The following SYNDIG1 variants were observed in gnomAD, a reference collection of about 807,000 sequenced individuals.
The protein encoded by SYNDIG1 is synapse differentiation-inducing gene protein 1.
SYNDIG1 carries 9 observed loss-of-function variants against 19.4 expected under a neutral mutation model. The observed-to-expected ratio is 0.46, with a 90% CI of 0.28 to 0.81. The LOEUF is 0.81. Among genes scored for constraint, SYNDIG1 ranks in the 30% least tolerant of loss-of-function variants. SYNDIG1 has a pLI of 0.12. For missense variants in SYNDIG1, 311 were observed against 343.3 expected (o/e 0.91, Z 0.74); for synonymous variants, 141 against 145.9 (o/e 0.97, Z 0.24).
At chr20:24,567,614 T>C (rs1211663344) in intron 2 of SYNDIG1, among the ~76,000 whole-genome samples, 1 of 152,180 alleles carries the variant, frequency 6.6e-6, no homozygotes, top group East Asian at 1.9e-4. Flanking sequence ...GAGACATCCC[T>C]GCAAGTCTTA....
intron 1 of SYNDIG1, among the ~76,000 whole-genome samples, chr20:24,508,322 G>A (rs1300508899): frequency 4.8e-5 from 6 of 124,424 alleles, no homozygotes; most frequent in East Asian, 2.8e-4. Flanking sequence ...TCCACCTCCC[G>A]GGTTCAAGTA....
chr20:24,513,399 A>G (rs969163110), intron 1 of SYNDIG1, among the ~76,000 whole-genome samples: 1 of 152,226 alleles, frequency 6.6e-6, no homozygotes, highest in Non-Finnish European at 1.5e-5. Flanking sequence ...TGAATGGCTA[A>G]CTAGAATAAC....
chr20:24,646,354 G>A (rs1294623099), intron 3 of SYNDIG1, among the ~76,000 whole-genome samples: 1 of 152,196 alleles, frequency 6.6e-6, no homozygotes, highest in East Asian at 1.9e-4. Context: ...TTGATCTCCA[G>A]TGTGGCAATA....
intron 1 of SYNDIG1, among the ~76,000 whole-genome samples, chr20:24,521,155 T>G (rs984070961): frequency 2.6e-4 from 39 of 152,304 alleles, no homozygotes; most frequent in Non-Finnish European, 3.8e-4. Flanking sequence ...TTTGCTTCAT[T>G]TTGAAGGCTG....
intron 1 of SYNDIG1, among the ~76,000 whole-genome samples, chr20:24,487,734 A>G (rs368685521): frequency 6.6e-6 from 1 of 152,182 alleles, no homozygotes; most frequent in Non-Finnish European, 1.5e-5. Context: ...CAGGGGCTGC[A>G]ACACTTCCTC....
intron 1 of SYNDIG1, among the ~76,000 whole-genome samples, chr20:24,493,256 T>C (rs2056204807): frequency 6.6e-6 from 1 of 152,232 alleles, no homozygotes; most frequent in Non-Finnish European, 1.5e-5. Context: ...GTTGTGGGTT[T>C]CCTTTATTGG....
At chr20:24,562,373 T>A (rs556364948) in intron 2 of SYNDIG1, among the ~76,000 whole-genome samples, 18 of 152,364 alleles carry the variant, frequency 1.2e-4, no homozygotes, top group Non-Finnish European at 2.2e-4. Flanking sequence ...AAAAATATTT[T>A]GTGAAATATG....
chr20:24,621,086 G>A (rs2059031121), intron 3 of SYNDIG1, among the ~76,000 whole-genome samples: 1 of 152,206 alleles, frequency 6.6e-6, no homozygotes, highest in African/African-American at 2.4e-5. Context: ...AATGCTAAAT[G>A]ATAGCATTAA....
At chr20:24,586,808 C>T (rs1325590722) in intron 3 of SYNDIG1, among the ~76,000 whole-genome samples, 3 of 152,176 alleles carry the variant, frequency 2.0e-5, no homozygotes, top group Non-Finnish European at 2.9e-5. Context: ...AGGCTGCCTA[C>T]GTGGCCAAAG....
intron 1 of SYNDIG1, among the ~76,000 whole-genome samples, chr20:24,481,997 G>A (rs1225005715): frequency 1.3e-5 from 2 of 152,010 alleles, no homozygotes; most frequent in African/African-American, 4.8e-5. Flanking sequence ...AACAAAATTG[G>A]AACGCATATA....
intron 2 of SYNDIG1, among the ~76,000 whole-genome samples, chr20:24,550,952 A>T (rs991407217): frequency 1.3e-5 from 2 of 152,094 alleles, no homozygotes; most frequent in Admixed American, 6.5e-5. Flanking sequence ...TTCATGAGGG[A>T]TGTTGATCTG....
At chr20:24,524,430 G>A (rs2057073476) in intron 1 of SYNDIG1, among the ~76,000 whole-genome samples, 1 of 152,184 alleles carries the variant, frequency 6.6e-6, no homozygotes, top group Non-Finnish European at 1.5e-5. Context: ...TGGATCACGA[G>A]GTCAGGAGAT....
At chr20:24,532,546 T>C (rs1413120342) in intron 1 of SYNDIG1, among the ~76,000 whole-genome samples, 1 of 152,192 alleles carries the variant, frequency 6.6e-6, no homozygotes, top group African/African-American at 2.4e-5. Context: ...TTGGTGAATA[T>C]ACTAAATCTC....
At chr20:24,652,953 C>G (rs1600830676) in intron 3 of SYNDIG1, among the ~76,000 whole-genome samples, 1 of 152,246 alleles carries the variant, frequency 6.6e-6, no homozygotes, top group Middle Eastern at 3.4e-3. Context: ...TCTCACCTCT[C>G]TACCTTCTTA....
chr20:24,543,819 C>G (rs916917035), intron 2 of SYNDIG1, among the ~76,000 whole-genome samples: 2 of 152,172 alleles, frequency 1.3e-5, no homozygotes, highest in Non-Finnish European at 2.9e-5. Context: ...GAGATGACCC[C>G]AGGTAATGGC....
intron 1 of SYNDIG1, among the ~76,000 whole-genome samples, chr20:24,509,625 G>A (rs2056690367): frequency 6.6e-6 from 1 of 152,046 alleles, no homozygotes. Flanking sequence ...TTTTTCTGGA[G>A]AATATGCTTT....
At chr20:24,650,959 C>T (rs1396976721) in intron 3 of SYNDIG1, among the ~76,000 whole-genome samples, 1 of 152,072 alleles carries the variant, frequency 6.6e-6, no homozygotes. Flanking sequence ...AGTGAGCTTC[C>T]CAAGTAGCTG....
chr20:24,652,661 A>G (rs1399296085), intron 3 of SYNDIG1, among the ~76,000 whole-genome samples: 1 of 152,168 alleles, frequency 6.6e-6, no homozygotes, highest in Non-Finnish European at 1.5e-5. Flanking sequence ...TTCCCTTGGC[A>G]CTCATGGCTC....
intron 2 of SYNDIG1, among the ~76,000 whole-genome samples, chr20:24,550,400 G>A (rs1393440397): frequency 1.3e-5 from 2 of 152,168 alleles, no homozygotes; most frequent in Non-Finnish European, 2.9e-5. Flanking sequence ...TTTCTAGGGA[G>A]TTGCATATGG....
Sources: allele counts gnomAD v4.1 joint callset (sites outside exome capture counted in the v4.1 genomes callset), GRCh38; gene constraint gnomAD v4.1.1; transcripts MANE v1.5; gene names NCBI Gene and HGNC (gene_info 2026-07-23, HGNC 2026-07-21).